Variants in PLCL1 observed in about 807,000 individuals in gnomAD.
PLCL1 encodes phospholipase C like 1 (inactive), also known as inactive phospholipase C-like protein 1.
PLCL1 carries 41 observed loss-of-function variants against 84.4 expected under a neutral mutation model. The ratio of observed to expected loss-of-function variants is 0.49; its 90% CI spans 0.38 to 0.63. The LOEUF (loss-of-function observed/expected upper bound fraction) is 0.63. Ranked by LOEUF, PLCL1 falls within the 30% of genes least tolerant of loss-of-function variation. PLCL1 has a pLI of 0.00. For missense variants in PLCL1, 1,206 were observed against 1,367.8 expected (o/e 0.88, Z 1.87); for synonymous variants, 490 against 488.3 (o/e 1.00, Z -0.05).
At chr2:198,138,328 T>G (rs1694306150) in intron 5 of PLCL1, among the ~76,000 whole-genome samples, 1 of 151,906 alleles carries the variant, frequency 6.6e-6, no homozygotes, top group South Asian at 2.1e-4. Context: ...AGGGGAAGTG[T>G]TACACACTTT....
intron 1 of PLCL1, among the ~76,000 whole-genome samples, chr2:197,964,048 T>A (rs1187884064): frequency 6.6e-6 from 1 of 152,150 alleles, no homozygotes; most frequent in African/African-American, 2.4e-5. Context: ...TTTGTCTAGT[T>A]TTCTTCTTTT....
intron 1 of PLCL1, among the ~76,000 whole-genome samples, chr2:198,006,893 T>C (rs1690741381): frequency 6.6e-6 from 1 of 152,206 alleles, no homozygotes. Context: ...AGGCACCTGC[T>C]TTCATTTTCC....
At chr2:198,057,761 A>T (rs1692102446) in intron 1 of PLCL1, among the ~76,000 whole-genome samples, 2 of 152,246 alleles carry the variant, frequency 1.3e-5, no homozygotes, top group Non-Finnish European at 1.5e-5. Context: ...TGTCAGTCAC[A>T]GCTAGGCGTG....
At chr2:197,857,857 T>C (rs746446485) in intron 1 of PLCL1, among the ~76,000 whole-genome samples, 8 of 152,090 alleles carry the variant, frequency 5.3e-5, no homozygotes, top group Non-Finnish European at 8.8e-5. Context: ...TCTGGAATTA[T>C]ATAACCTTGC....
At chr2:197,958,919 T>TCTTG (rs536155797) in intron 1 of PLCL1, among the ~76,000 whole-genome samples, 74,560 of 151,512 alleles carry the variant, frequency 0.49, 18,828 homozygotes, top group African/African-American at 0.58. Flanking sequence ...CTAATCTGTA[T>TCTTG]TGCCTCTTAA....
chr2:198,041,316 C>T (rs570327229), intron 1 of PLCL1, among the ~76,000 whole-genome samples: 2 of 152,152 alleles, frequency 1.3e-5, no homozygotes, highest in South Asian at 2.1e-4. Context: ...CAAATATAAT[C>T]GTTGTTATTT....
At chr2:197,906,680 C>T (rs909328171) in intron 1 of PLCL1, among the ~76,000 whole-genome samples, 2 of 152,172 alleles carry the variant, frequency 1.3e-5, no homozygotes, top group African/African-American at 4.8e-5. Flanking sequence ...GATGTTGATT[C>T]TTCCTATCCA....
intron 5 of PLCL1, among the ~76,000 whole-genome samples, chr2:198,115,844 A>T (rs1693732962): frequency 6.6e-6 from 1 of 151,426 alleles, no homozygotes; most frequent in African/African-American, 2.4e-5. Flanking sequence ...CGCCCTTGAC[A>T]CGTGGGGATT....
At chr2:198,022,477 C>T (rs1691159658) in intron 1 of PLCL1, among the ~76,000 whole-genome samples, 1 of 152,284 alleles carries the variant, frequency 6.6e-6, no homozygotes, top group Non-Finnish European at 1.5e-5. Flanking sequence ...TTGCAGATGA[C>T]ATGATTGTAT....
intron 3 of PLCL1, 131 bp downstream of exon 3, chr2:198,089,192 T>C (rs1269745704): frequency 1.4e-5 from 10 of 696,724 alleles, no homozygotes; most frequent in Non-Finnish European, 2.5e-6. Context: ...GGAGGTAGCA[T>C]GCAGAGCCGG....
chr2:197,930,753 T>C (rs1271165933), intron 1 of PLCL1, among the ~76,000 whole-genome samples: 1 of 152,196 alleles, frequency 6.6e-6, no homozygotes, highest in Admixed American at 6.6e-5. Context: ...ATCTTGCTCC[T>C]ACCAGGACAC....
At chr2:197,817,029 G>T (rs942776942) in intron 1 of PLCL1, among the ~76,000 whole-genome samples, 1 of 152,080 alleles carries the variant, frequency 6.6e-6, no homozygotes, top group South Asian at 2.1e-4. Flanking sequence ...ATGGCCAAAT[G>T]GTACCCATAA....
chr2:197,811,812 TC>T (rs903719113), intron 1 of PLCL1, among the ~76,000 whole-genome samples: 3 of 152,190 alleles, frequency 2.0e-5, no homozygotes, highest in African/African-American at 7.2e-5. Flanking sequence ...ATTTTTTACT[TC>T]TTTTCTCTTG....
intron 1 of PLCL1, among the ~76,000 whole-genome samples, chr2:198,024,553 C>T (rs997634520): frequency 1.2e-4 from 19 of 152,098 alleles, no homozygotes; most frequent in African/African-American, 4.6e-4. Flanking sequence ...CACATGAGGT[C>T]GGGAGTTCGA....
intron 1 of PLCL1, among the ~76,000 whole-genome samples, chr2:198,022,264 C>T (rs771381276): frequency 7.2e-5 from 11 of 152,026 alleles, no homozygotes; most frequent in Non-Finnish European, 1.6e-4. Context: ...TATGACAAAC[C>T]CACTGATATC....
rs397800019 is a variant in PLCL1, at chr2:198,043,881, CT to C, written c.241-39859del. Among the ~76,000 whole-genome samples the C allele has an allele frequency of 7.2e-3, 897 of 124,814 alleles. 4 individuals carry two copies. Among genetic ancestry groups the C allele is most frequent in the African/African-American group, 0.018 (597 of 33,368 alleles). The allele number at this position is 124,814 out of a possible 152,430, so 81.9% of individuals were successfully genotyped here. On this transcript the variant is annotated intron_variant, in intron 1 of 5. Transcript: ENST00000428675. ...TACAAGTAGAGATTTAATTCTTGTT[CT>C]TTTTTTTTTTTTTTTTTAAATGAGA...
chr2:198,037,152 C>A (rs1259161648), intron 1 of PLCL1, among the ~76,000 whole-genome samples: 1 of 152,128 alleles, frequency 6.6e-6, no homozygotes, highest in Non-Finnish European at 1.5e-5. Flanking sequence ...TTTCTAAATT[C>A]TTCATATTAA....
intron 1 of PLCL1, among the ~76,000 whole-genome samples, chr2:197,881,011 A>G (rs1687817721): frequency 6.6e-6 from 1 of 152,146 alleles, no homozygotes; most frequent in Admixed American, 6.6e-5. Flanking sequence ...GCTGTAGGGA[A>G]TTTAGGTTGC....
At chr2:198,060,244 T>A (rs1332379273) in intron 1 of PLCL1, among the ~76,000 whole-genome samples, 2 of 152,192 alleles carry the variant, frequency 1.3e-5, no homozygotes, top group African/African-American at 4.8e-5. Context: ...CGCTGAAAAG[T>A]GTACTAACTT....
Sources: gnomAD v4.1 joint callset for allele counts (sites outside exome capture counted in the v4.1 genomes callset) on GRCh38, gnomAD v4.1.1 for gene constraint, MANE v1.5 for transcripts, NCBI Gene and HGNC (gene_info 2026-07-23, HGNC 2026-07-21) for gene names.